The following SATB1 variants were observed in gnomAD, a reference collection of about 807,000 sequenced individuals.
The protein encoded by SATB1 is SATB homeobox 1.
SATB1 carries 11 observed loss-of-function variants against 86.9 expected under a neutral mutation model. The ratio of observed to expected loss-of-function variants is 0.13; its 90% CI spans 0.08 to 0.21. SATB1 has a LOEUF of 0.21. SATB1 is among the 10% of genes least tolerant of loss of function. SATB1 has a pLI of 1.00. For synonymous variants in SATB1, 357 were observed against 357.2 expected (o/e 1.00, Z 0.01); for missense variants, 551 against 937.6 (o/e 0.59, Z 5.39).
Position 18,420,874 on chromosome 3 carries a change from G to A in SATB1, c.94C>T (p.Arg32Cys), listed in dbSNP as rs1376642090. The A allele has an allele frequency of 2.5e-6, 4 of 1,614,100 alleles. No individual in the cohort carries two copies. Among genetic ancestry groups the A allele is most frequent in the South Asian group, 1.1e-5 (1 of 91,078 alleles). Reference protein sequence around the residue: ...DPKGPPAKIARLEQNGSPLGR... With the variant: ...DPKGPPAKIACLEQNGSPLGR... ...AGCGGGCTCCCGTTCTGCTCCAGGC[G>A]GGCAATCTTGGCTGGTGGACCCTTC... Residue 32 changes from arginine to cysteine, a missense_variant, in exon 2 of 11, where the codon CGC (arginine) becomes TGC (cysteine). Transcript: ENST00000338745.
At position 18,386,363 on chromosome 3, in the gene SATB1, A is replaced by G; in HGVS notation, c.1419+36T>C. ...CTTCCTCAAGCATTAAAAAAAAGCTAAACAAAGAAGGGCAAGGAGGAAAAG... is the reference window on the plus strand; with the variant it reads ...CTTCCTCAAGCATTAAAAAAAAGCTGAACAAAGAAGGGCAAGGAGGAAAAG... On this transcript the variant is annotated intron_variant, in intron 8 of 10. Transcript: ENST00000338745. This position sits in a 1 kb window ranked among gnomAD's most constrained non-coding sequence, Gnocchi z 4.5. 1 of 1,529,640 alleles carries G rather than the reference A, an allele frequency of 6.5e-7. No individual in the cohort carries two copies. The highest frequency in any genetic ancestry group is 9.0e-7 in the Non-Finnish European group (1 of 1,113,438). The allele number at this position is 1,529,640 out of a possible 1,614,324, so 94.8% of individuals were successfully genotyped here.
chr3:18,360,446 T>G (rs1694853117), intron 9 of SATB1, among the ~76,000 whole-genome samples: 2 of 152,108 alleles, frequency 1.3e-5, no homozygotes, highest in Non-Finnish European at 2.9e-5. Flanking sequence ...GGCTATTTAT[T>G]AGCTATTGCT....
chr3:18,391,654 T>TG (rs1696681504), intron 7 of SATB1, among the ~76,000 whole-genome samples: 1 of 151,986 alleles, frequency 6.6e-6, no homozygotes, highest in Non-Finnish European at 1.5e-5. Context: ...TTTTAAAAGT[T>TG]GGAGTTGGAA....
chr3:18,417,400 AT>A, intron 2 of SATB1: 1 of 560,060 alleles, frequency 1.8e-6, no homozygotes, highest in Non-Finnish European at 3.1e-6. Context: ...CGAAAGAGAA[AT>A]AAATGTATCT....
chr3:18,392,964 C>T lies in SATB1; in HGVS notation c.1206+1498G>A, dbSNP rs143282738. Among the ~76,000 whole-genome samples the T allele has an allele frequency of 2.4e-5, 3 of 125,538 alleles. No homozygotes were observed. The Admixed American group carries it at 2.4e-4, about 10-fold the overall frequency. 82.4% of individuals were successfully genotyped at this position (125,538 alleles called of 152,430 possible). ...GTGCAACTGCCTTTTCAAAAACAGA[C>T]GAACGTACAAAAAAAAAAAAAAAGA... On this transcript the variant is annotated intron_variant, in intron 7 of 10. Coordinates refer to ENST00000338745, the MANE Select transcript of SATB1 (RefSeq NM_002971.6).
upstream of SATB1, among the ~76,000 whole-genome samples, chr3:18,425,743 C>T (rs1347227327): frequency 6.6e-6 from 1 of 151,300 alleles, no homozygotes; most frequent in Non-Finnish European, 1.5e-5. Context: ...GAGGGGGCTT[C>T]CCTGGCAGCG....
At chr3:18,401,181 TC>T (rs1399834725) in intron 5 of SATB1, among the ~76,000 whole-genome samples, 1 of 152,164 alleles carries the variant, frequency 6.6e-6, no homozygotes, top group Non-Finnish European at 1.5e-5. Flanking sequence ...TCTGAATATA[TC>T]CTGGACTCAT....
intron 2 of SATB1, among the ~76,000 whole-genome samples, chr3:18,434,549 A>G (rs961858326): frequency 3.3e-5 from 5 of 152,056 alleles, no homozygotes; most frequent in African/African-American, 9.7e-5. Context: ...CCTACTATTA[A>G]GTAACTCCCA....
In SATB1 at chr3:18,346,835, T is replaced by C. The variant is rs1436248358; in HGVS notation, c.*2335A>G. On this transcript the variant is annotated 3_prime_UTR_variant, in exon 11 of 11. Transcript: ENST00000338745. ...TATAAGGAAGAGGAAGATAACTTCA[T>C]GGCATTTGAGTTTCTATTTTATTTC... 2.0e-5 allele frequency: 3 copies of C among 152,164 alleles called. No individual in the cohort carries two copies. The highest frequency in any genetic ancestry group is 4.4e-5 in the Non-Finnish European group (3 of 68,006). 9.4% of individuals were successfully genotyped at this position (152,164 alleles called of 1,614,324 possible). A position where few individuals can be genotyped will look rare whatever the true frequency, so the allele number is the denominator to read the frequency against.
Position 18,349,087 on chromosome 3 carries a change from G to T in SATB1, c.*83C>A. 3 of 1,531,724 alleles carry T rather than the reference G, an allele frequency of 2.0e-6. No homozygotes were observed. Among genetic ancestry groups the T allele is most frequent in the Non-Finnish European group, 2.6e-6 (3 of 1,143,902 alleles). 94.9% of individuals were successfully genotyped at this position (1,531,724 alleles called of 1,614,324 possible). On this transcript the variant is annotated 3_prime_UTR_variant, in exon 11 of 11. Transcript: ENST00000338745. This position sits in a 1 kb window ranked among gnomAD's most constrained non-coding sequence, Gnocchi z 5.5. ...ATTGGCCAAACAATGAACAACAAAG[G>T]TTTTCTGAGAGAAGACAAGGTGGAC...
intron 7 of SATB1, among the ~76,000 whole-genome samples, chr3:18,390,710 C>G (rs1268555260): frequency 6.6e-6 from 1 of 152,022 alleles, no homozygotes; most frequent in African/African-American, 2.4e-5. Context: ...AATAATCCAT[C>G]TTCATTCTTT....
At chr3:18,364,384 AC>A (rs1695076544) in intron 9 of SATB1, among the ~76,000 whole-genome samples, 1 of 152,180 alleles carries the variant, frequency 6.6e-6, no homozygotes, top group Admixed American at 6.5e-5. Flanking sequence ...TCTAATAACT[AC>A]TGTAATTTTA....
In SATB1 at chr3:18,407,345, A is replaced by G. The variant is rs77054234; in HGVS notation, c.639+7766T>C. ...AGATTGAGTTATAATATAGTCTTTT[A>G]ATTTTTTCACAAATGAAAAGTATTT... On this transcript the variant is annotated intron_variant, in intron 5 of 10. Coordinates refer to ENST00000338745, the MANE Select transcript of SATB1 (RefSeq NM_002971.6). 8.3e-3 allele frequency among the ~76,000 whole-genome samples: 1,267 copies of G among 152,154 alleles called. 22 individuals are homozygous for G. The highest frequency in any genetic ancestry group is 0.03 in the African/African-American group (1,231 of 41,538).
chr3:18,351,865 T>C (rs555315850), intron 10 of SATB1, 127 bp downstream of exon 10: 2 of 799,044 alleles, frequency 2.5e-6, no homozygotes, highest in East Asian at 2.5e-5. Context: ...AAGATGGCAG[T>C]GTATTGTTAT....
chr3:18,349,047 A>T lies in SATB1; in HGVS notation c.*123T>A. 6.8e-7 allele frequency: 1 copy of T among 1,462,832 alleles called. No homozygotes were observed. The highest frequency in any genetic ancestry group is 2.4e-5 in the East Asian group (1 of 42,368). The allele number at this position is 1,462,832 out of a possible 1,614,324, so 90.6% of individuals were successfully genotyped here. ...CTTTTCCAACTTTTCTGTTTGTGCAAGTTTTTGAAGATTCATTGGCCAAAC... is the reference window on the plus strand; with the variant it reads ...CTTTTCCAACTTTTCTGTTTGTGCATGTTTTTGAAGATTCATTGGCCAAAC... On this transcript the variant is annotated 3_prime_UTR_variant, in exon 11 of 11. Transcript: ENST00000338745. This position sits in a 1 kb window ranked among gnomAD's most constrained non-coding sequence, Gnocchi z 5.5.
Position 18,394,944 on chromosome 3 carries a change from T to C in SATB1, c.752-28A>G. 6.7e-7 allele frequency: 1 copy of C among 1,491,208 alleles called. No homozygotes were observed. Among genetic ancestry groups the C allele is most frequent in the Non-Finnish European group, 9.0e-7 (1 of 1,106,734 alleles). 92.4% of individuals were successfully genotyped at this position (1,491,208 alleles called of 1,614,324 possible). A position where few individuals can be genotyped will look rare whatever the true frequency, so the allele number is the denominator to read the frequency against. ...AAAGTGGACAAAGAGTAAAATCACATTCAGCCAACAATGATTGGCATTGAT... is the reference window on the plus strand; with the variant it reads ...AAAGTGGACAAAGAGTAAAATCACACTCAGCCAACAATGATTGGCATTGAT... On this transcript the variant is annotated intron_variant, in intron 6 of 10. Coordinates refer to ENST00000338745, the MANE Select transcript of SATB1 (RefSeq NM_002971.6). This position sits in a 1 kb window ranked among gnomAD's most constrained non-coding sequence, Gnocchi z 5.9.
chr3:18,357,383 C>T (rs1401640802), intron 9 of SATB1, among the ~76,000 whole-genome samples: 2 of 151,658 alleles, frequency 1.3e-5, no homozygotes, highest in African/African-American at 4.8e-5. Flanking sequence ...TAAACTACAC[C>T]AGGCATTTGA....
At chr3:18,416,815 C>T in intron 3 of SATB1, 87 bp downstream of exon 3, 2 of 1,321,798 alleles carry the variant, frequency 1.5e-6, no homozygotes, top group Non-Finnish European at 2.1e-6. Flanking sequence ...GGCTACAGTT[C>T]TTTGAATAAA....
At chr3:18,407,121 C>T (rs921576193) in intron 5 of SATB1, among the ~76,000 whole-genome samples, 1 of 151,966 alleles carries the variant, frequency 6.6e-6, no homozygotes, top group Non-Finnish European at 1.5e-5. Flanking sequence ...AGTTAGTTAA[C>T]GGAAAAGACA....
Sources: gnomAD v4.1 joint callset for allele counts (sites outside exome capture counted in the v4.1 genomes callset) on GRCh38, gnomAD v4.1.1 for gene constraint, Gnocchi (gnomAD v3.1) non-coding constraint, MANE v1.5 for transcripts, NCBI Gene and HGNC (gene_info 2026-07-23, HGNC 2026-07-21) for gene names.